Variants in CTNNA3 observed in about 807,000 individuals in gnomAD.
The protein encoded by CTNNA3 is catenin alpha 3, also known as catenin alpha-3.
A neutral mutation model predicts 95.7 loss-of-function variants in CTNNA3; 76 were observed. That is an observed-to-expected ratio of 0.79 (90% CI 0.66 to 0.96). The LOEUF (loss-of-function observed/expected upper bound fraction) is 0.96, where lower values mean the gene tolerates loss of function less well. Ranked by LOEUF, CTNNA3 falls within the 40% of genes least tolerant of loss-of-function variation. The probability of loss-of-function intolerance (pLI) is 0.00; values close to 1 mark genes in which losing one functional copy is unlikely to be tolerated. For synonymous variants in CTNNA3, 431 were observed against 374.4 expected (o/e 1.15, Z -1.74); for missense variants, 1,191 against 1,089.8 (o/e 1.09, Z -1.31).
At chr10:66,292,791 G>A (rs2091706764) in intron 12 of CTNNA3, among the ~76,000 whole-genome samples, 3 of 152,116 alleles carry the variant, frequency 2.0e-5, no homozygotes, top group East Asian at 3.9e-4. Flanking sequence ...TCATGAGGCT[G>A]CCTGCAAATG....
chr10:67,296,888 T>G (rs1840055008), intron 5 of CTNNA3, among the ~76,000 whole-genome samples: 1 of 127,148 alleles, frequency 7.9e-6, no homozygotes, highest in African/African-American at 3.2e-5. Context: ...GAGCCAAGAC[T>G]GCACCATTGC....
intron 7 of CTNNA3, among the ~76,000 whole-genome samples, chr10:66,867,345 AT>A (rs1403300597): frequency 3.3e-5 from 5 of 152,154 alleles, no homozygotes; most frequent in African/African-American, 1.2e-4. Flanking sequence ...TTTTGTTTCT[AT>A]TGAATAATTC....
At chr10:67,397,933 C>G (rs1240662482) in intron 5 of CTNNA3, among the ~76,000 whole-genome samples, 1 of 152,236 alleles carries the variant, frequency 6.6e-6, no homozygotes, top group South Asian at 2.1e-4. Context: ...GTTTAGGAAC[C>G]TCTGCCTAGA....
At chr10:67,670,611 C>T (rs567993477) in intron 1 of CTNNA3, among the ~76,000 whole-genome samples, 1 of 152,260 alleles carries the variant, frequency 6.6e-6, no homozygotes, top group African/African-American at 2.4e-5. Context: ...GTCTGAGTAA[C>T]CCACACACAC....
At chr10:66,754,759 G>T (rs1839296975) in intron 9 of CTNNA3, among the ~76,000 whole-genome samples, 1 of 152,088 alleles carries the variant, frequency 6.6e-6, no homozygotes, top group South Asian at 2.1e-4. Context: ...ATAGAGAAAA[G>T]CCACTTCACC....
intron 7 of CTNNA3, among the ~76,000 whole-genome samples, chr10:67,030,606 T>C (rs945348486): frequency 1.3e-5 from 2 of 152,190 alleles, no homozygotes; most frequent in Non-Finnish European, 2.9e-5. Context: ...ATTTTGCATA[T>C]TTTCATGAAG....
intron 15 of CTNNA3, among the ~76,000 whole-genome samples, chr10:65,993,970 G>A (rs186065708): frequency 9.9e-5 from 15 of 152,162 alleles, no homozygotes; most frequent in Middle Eastern, 3.4e-3. Flanking sequence ...TCCTGACCTC[G>A]CGATCTGCCC....
In CTNNA3 at chr10:66,668,420, A is replaced by ATGTG. The variant is rs1491579916; in HGVS notation, c.1282-46637_1282-46636insCACA. ...TCCTAAAACTTTTTTCTCAACTCTC[A>ATGTG]TATGTGTGTGTGTGTGTGTGTGTGT... On this transcript the variant is annotated intron_variant, in intron 9 of 17. Coordinates refer to ENST00000433211, the MANE Select transcript of CTNNA3 (RefSeq NM_013266.4). 8.8e-5 allele frequency among the ~76,000 whole-genome samples: 4 copies of ATGTG among 45,202 alleles called. No homozygotes were observed. In the East Asian group the frequency reaches 2.1e-3, roughly 24 times the overall value. 29.7% of individuals were successfully genotyped at this position (45,202 alleles called of 152,430 possible). A position where few individuals can be genotyped will look rare whatever the true frequency, so the allele number is the denominator to read the frequency against.
rs544125795 is a variant in CTNNA3, at chr10:65,963,344, T to A, written c.2400+3268A>T. The stretch of plus-strand genomic sequence containing the variant: ...AGACTGCCCACCATGTCCATAACAT[T>A]CCATGTCTTCCCTATCTCTGTTTTA... On this transcript the variant is annotated intron_variant, in intron 17 of 17. Coordinates refer to ENST00000433211, the MANE Select transcript of CTNNA3 (RefSeq NM_013266.4). Among the ~76,000 whole-genome samples the A allele has an allele frequency of 7.2e-5, 11 of 152,268 alleles. No individual in the cohort carries two copies. The South Asian group carries it at 1.9e-3, about 26-fold the overall frequency.
At chr10:66,998,980 T>C (rs897095566) in intron 7 of CTNNA3, among the ~76,000 whole-genome samples, 1 of 152,110 alleles carries the variant, frequency 6.6e-6, no homozygotes, top group African/African-American at 2.4e-5. Flanking sequence ...AAAAATTCAG[T>C]ATCACTCAGA....
At chr10:65,986,203 T>C (rs1300497066) in intron 16 of CTNNA3, among the ~76,000 whole-genome samples, 10 of 151,396 alleles carry the variant, frequency 6.6e-5, no homozygotes, top group Admixed American at 6.6e-4. Flanking sequence ...TTGTGATTAT[T>C]ACACATTGTA....
chr10:67,641,568 TGCA>T (rs1375569636), intron 2 of CTNNA3, among the ~76,000 whole-genome samples: 1 of 152,204 alleles, frequency 6.6e-6, no homozygotes, highest in Non-Finnish European at 1.5e-5. Context: ...GTATGTTTAC[TGCA>T]GCACTATTCA....
intron 13 of CTNNA3, among the ~76,000 whole-genome samples, chr10:66,254,538 G>A (rs138292585): frequency 1.9e-3 from 286 of 152,262 alleles, no homozygotes; most frequent in Non-Finnish European, 2.4e-3. Context: ...GTGCCTCGCT[G>A]TACTCTTCTG....
At chr10:67,487,383 G>A (rs1175146837) in intron 5 of CTNNA3, among the ~76,000 whole-genome samples, 1 of 152,122 alleles carries the variant, frequency 6.6e-6, no homozygotes, top group Non-Finnish European at 1.5e-5. Context: ...GACGCAGCTG[G>A]CCTTTACAGC....
intron 5 of CTNNA3, among the ~76,000 whole-genome samples, chr10:67,327,775 T>C (rs1193234868): frequency 2.0e-5 from 3 of 152,212 alleles, no homozygotes; most frequent in Non-Finnish European, 4.4e-5. Flanking sequence ...CCAGGATGCC[T>C]GCCTCCCTGC....
At chr10:66,650,317 A>AT (rs774149533) in intron 9 of CTNNA3, among the ~76,000 whole-genome samples, 3 of 152,170 alleles carry the variant, frequency 2.0e-5, no homozygotes, top group East Asian at 3.9e-4. Context: ...CATATTAAGT[A>AT]TTTTTTCTGA....
intron 7 of CTNNA3, among the ~76,000 whole-genome samples, chr10:66,806,827 T>C (rs10762108): frequency 0.57 from 85,931 of 150,866 alleles, 24,661 homozygotes; most frequent in East Asian, 0.72. Flanking sequence ...GGTATGTGTA[T>C]ATAAACATAC....
intron 3 of CTNNA3, among the ~76,000 whole-genome samples, chr10:67,557,005 G>A (rs963606742): frequency 2.6e-5 from 4 of 152,170 alleles, no homozygotes; most frequent in South Asian, 2.1e-4. Context: ...CCTTCATTTT[G>A]TTATGTACCC....
chr10:67,736,544 C>A (rs1841303658), intron 1 of CTNNA3, among the ~76,000 whole-genome samples: 2 of 150,938 alleles, frequency 1.3e-5, no homozygotes, highest in African/African-American at 2.4e-5. Context: ...CAATCTCCGC[C>A]TCCCAGTTTC....
Sources: allele counts gnomAD v4.1 joint callset (sites outside exome capture counted in the v4.1 genomes callset), GRCh38; gene constraint gnomAD v4.1.1; transcripts MANE v1.5; gene names NCBI Gene and HGNC (gene_info 2026-07-23, HGNC 2026-07-21).